Variants in CYP26B1 observed in about 807,000 individuals in gnomAD.
CYP26B1 encodes cytochrome P450 26B1.
CYP26B1 carries 8 observed loss-of-function variants against 39.1 expected under a neutral mutation model. The ratio of observed to expected loss-of-function variants is 0.20; its 90% CI spans 0.12 to 0.37. CYP26B1 has a LOEUF of 0.37. CYP26B1 is among the 10% of genes least tolerant of loss of function. The probability of loss-of-function intolerance (pLI) is 1.00; values close to 1 mark genes in which losing one functional copy is unlikely to be tolerated. For missense variants in CYP26B1, 615 were observed against 707.0 expected (o/e 0.87, Z 1.48); for synonymous variants, 321 against 314.3 (o/e 1.02, Z -0.23).
intron 5 of CYP26B1, 149 bp from the exon 6 acceptor site, chr2:72,132,768 G>A: frequency 1.4e-6 from 2 of 1,448,280 alleles, no homozygotes; most frequent in Non-Finnish European, 1.8e-6. Flanking sequence ...GGCCTGGCCA[G>A]CCTGCCCCAT....
intron 2 of CYP26B1, among the ~76,000 whole-genome samples, chr2:72,136,067 C>A (rs1676764238): frequency 8.0e-6 from 1 of 124,606 alleles, no homozygotes; most frequent in African/African-American, 2.6e-5. Context: ...GTCCTCCCGG[C>A]TGGCTGCGCA....
Position 72,131,985 on chromosome 2 carries a change from C to T in CYP26B1, c.*242G>A. 1 of 583,296 alleles carries T rather than the reference C, an allele frequency of 1.7e-6. No individual in the cohort carries two copies. Among genetic ancestry groups the T allele is most frequent in the South Asian group, 2.0e-5 (1 of 49,324 alleles). 36.1% of individuals were successfully genotyped at this position (583,296 alleles called of 1,614,324 possible). ...TGCAGAGCCCCTGCCACGCCCTTCC[C>T]AGGGGCTGAGCTGATGGTAAATGGG... On this transcript the variant is annotated 3_prime_UTR_variant, in exon 6 of 6. Transcript: ENST00000001146.
In CYP26B1 at chr2:72,130,597, AGGG is replaced by A. The variant is rs1676537772; in HGVS notation, c.*1627_*1629del. 1.3e-5 allele frequency: 2 copies of A among 152,114 alleles called. No individual in the cohort carries two copies. The highest frequency in any genetic ancestry group is 1.5e-5 in the Non-Finnish European group (1 of 68,014). 9.4% of individuals were successfully genotyped at this position (152,114 alleles called of 1,614,324 possible). A position where few individuals can be genotyped will look rare whatever the true frequency, so the allele number is the denominator to read the frequency against. On this transcript the variant is annotated 3_prime_UTR_variant, in exon 6 of 6. Transcript: ENST00000001146. ...TTCTGTGTTTTCGATTTTCTTGTAA[AGGG>A]GATTCATTGCTTTTACAACATCAAA...
Position 72,133,000 on chromosome 2 carries a change from C to T in CYP26B1, c.1146+23G>A, listed in dbSNP as rs767608791. On this transcript the variant is annotated intron_variant, in intron 5 of 5. Coordinates refer to ENST00000001146, the MANE Select transcript of CYP26B1 (RefSeq NM_019885.4). Reference sequence around the variant, plus strand: ...GGTGCCCCTGCTCCCCCATCGCCCCCGGTGCCACGGGCCCAGCCTCACATC... The same window carrying T: ...GGTGCCCCTGCTCCCCCATCGCCCCTGGTGCCACGGGCCCAGCCTCACATC... 10 of 1,612,888 alleles carry T rather than the reference C, an allele frequency of 6.2e-6. No homozygotes were observed. The Admixed American group carries it at 8.3e-5, about 13-fold the overall frequency.
chr2:72,143,544 C>T (rs1473171725), intron 2 of CYP26B1, among the ~76,000 whole-genome samples: 1 of 152,208 alleles, frequency 6.6e-6, no homozygotes, highest in East Asian at 1.9e-4. Flanking sequence ...CGCGCAGCCG[C>T]CTGCCCGCGA....
chr2:72,144,343 G>T (rs771836455), intron 1 of CYP26B1, 130 bp from the exon 2 acceptor site: 1 of 1,458,352 alleles, frequency 6.9e-7, no homozygotes, highest in Non-Finnish European at 9.0e-7. Context: ...TCACACAGAC[G>T]AGCACGCAGG....
At chr2:72,139,415 C>T (rs969061976) in intron 2 of CYP26B1, among the ~76,000 whole-genome samples, 1 of 152,234 alleles carries the variant, frequency 6.6e-6, no homozygotes, top group African/African-American at 2.4e-5. Context: ...CAGGCAGCTT[C>T]ACCCAGAACT....
chr2:72,147,590 C>G lies in CYP26B1; in HGVS notation c.204+41G>C. 2 of 1,572,094 alleles carry G rather than the reference C, an allele frequency of 1.3e-6. No homozygotes were observed. The highest frequency in any genetic ancestry group is 2.3e-5 in the South Asian group (2 of 85,610). On this transcript the variant is annotated intron_variant, in intron 1 of 5. Coordinates refer to ENST00000001146, the MANE Select transcript of CYP26B1 (RefSeq NM_019885.4). This position sits in a 1 kb window ranked among gnomAD's most constrained non-coding sequence, Gnocchi z 6.1. The stretch of plus-strand genomic sequence containing the variant: ...CGCTCCGTCTGCCCCGCGCTCGCAG[C>G]TAGCGGACCCCGGAGTGCAGCGGAG...
Position 72,132,402 on chromosome 2 carries a change from G to A in CYP26B1, c.1364C>T (p.Ala455Val), listed in dbSNP as rs142523471. ...GCGGCTGGTGCTAGCCAGCTCCACCGCCAGCACCTTCAGGAACAGCTTGGC... is the reference window on the plus strand; with the variant it reads ...GCGGCTGGTGCTAGCCAGCTCCACCACCAGCACCTTCAGGAACAGCTTGGC... Reference protein sequence around the residue: ...HLAKLFLKVLAVELASTSRFE... With the variant: ...HLAKLFLKVLVVELASTSRFE... The change falls in exon 6 of 6, where the codon GCG becomes GTG. Residue 455 changes from alanine to valine, a missense_variant. Transcript: ENST00000001146. 58 of 1,611,742 alleles carry A rather than the reference G, an allele frequency of 3.6e-5. No homozygotes were observed. The highest frequency in any genetic ancestry group is 6.7e-5 in the African/African-American group (5 of 74,910).
In CYP26B1 at chr2:72,131,335, C is replaced by T. The variant is rs918492038; in HGVS notation, c.*892G>A. The T allele has an allele frequency of 6.6e-6, 1 of 152,230 alleles. No individual in the cohort carries two copies. Among genetic ancestry groups the T allele is most frequent in the African/African-American group, 2.4e-5 (1 of 41,442 alleles). 9.4% of individuals were successfully genotyped at this position (152,230 alleles called of 1,614,324 possible). ...CTAGGCCCTGGGGGCTGGGTTTGAC[C>T]AGAGACCCCTTCCTCTTCACTCACA... On this transcript the variant is annotated 3_prime_UTR_variant, in exon 6 of 6. Transcript: ENST00000001146.
At chr2:72,144,346 C>T (rs777499103) in intron 1 of CYP26B1, 133 bp from the exon 2 acceptor site, 3 of 1,456,622 alleles carry the variant, frequency 2.1e-6, no homozygotes, top group Non-Finnish European at 2.7e-6. Context: ...CACAGACGAG[C>T]ACGCAGGTTT....
rs1177090540 is a variant in CYP26B1 at position 72,134,016 on chromosome 2, G to A, written c.862-709C>T. Among the ~76,000 whole-genome samples, 5 of 152,208 alleles carry A rather than the reference G, an allele frequency of 3.3e-5. No individual in the cohort carries two copies. The East Asian group carries it at 9.6e-4, about 29-fold the overall frequency. On this transcript the variant is annotated intron_variant, in intron 4 of 5. Coordinates refer to ENST00000001146, the MANE Select transcript of CYP26B1 (RefSeq NM_019885.4). ...TCTGGGCCCAGAGAGGGCAATGAAG[G>A]GACCTGGGTCCATTACTGGCCATGG... is the stretch of plus-strand genomic sequence containing the variant.
intron 1 of CYP26B1, among the ~76,000 whole-genome samples, chr2:72,145,451 C>CT (rs1677096419): frequency 6.6e-6 from 1 of 152,172 alleles, no homozygotes; most frequent in Non-Finnish European, 1.5e-5. Context: ...CCCTCCCAGG[C>CT]TGGAAGGCGG....
Position 72,132,357 on chromosome 2 carries a change from G to A in CYP26B1, c.1409C>T (p.Thr470Ile). The A allele has an allele frequency of 1.2e-6, 2 of 1,611,406 alleles. No homozygotes were observed. The highest frequency in any genetic ancestry group is 1.7e-6 in the Non-Finnish European group (2 of 1,178,286). The change falls in exon 6 of 6, where the codon ACC (threonine) becomes ATC (isoleucine). Residue 470 changes from threonine to isoleucine, a missense_variant. Physicochemically the swap from Thr to Ile is moderately conservative, Grantham distance 89. Transcript: ENST00000001146. ...GGGGACCAAGGTGATGCGGGGGAAGGTCCGTGTGGCCAGCTCAAAGCGGCT... is the reference window on the plus strand; with the variant it reads ...GGGGACCAAGGTGATGCGGGGGAAGATCCGTGTGGCCAGCTCAAAGCGGCT... The part of the protein sequence containing the change: ...STSRFELATR[T>I]FPRITLVPVL...
In CYP26B1 at chr2:72,147,577, C is replaced by T; in HGVS notation, c.204+54G>A. On this transcript the variant is annotated intron_variant, in intron 1 of 5. Coordinates refer to ENST00000001146, the MANE Select transcript of CYP26B1 (RefSeq NM_019885.4). This position sits in a 1 kb window ranked among gnomAD's most constrained non-coding sequence, Gnocchi z 6.1. ...CTGGCCGGCCCGCCGCTCCGTCTGC[C>T]CCGCGCTCGCAGCTAGCGGACCCCG... 6.5e-7 allele frequency: 1 copy of T among 1,537,138 alleles called. No homozygotes were observed. Among genetic ancestry groups the T allele is most frequent in the Non-Finnish European group, 8.7e-7 (1 of 1,143,522 alleles).
intron 4 of CYP26B1, among the ~76,000 whole-genome samples, chr2:72,134,144 T>C (rs914890529): frequency 3.9e-5 from 6 of 152,200 alleles, no homozygotes; most frequent in Admixed American, 2.6e-4. Context: ...GAGGCAAAGA[T>C]AGTGGGCAGG....
At chr2:72,142,390 A>G (rs1026715887) in intron 2 of CYP26B1, among the ~76,000 whole-genome samples, 1 of 152,214 alleles carries the variant, frequency 6.6e-6, no homozygotes, top group African/African-American at 2.4e-5. Flanking sequence ...GCAGGACAGA[A>G]GAGGACTCTC....
At position 72,133,233 on chromosome 2, in the gene CYP26B1, C is replaced by T. The variant is rs761662991; in HGVS notation, c.936G>A (p.Leu312=). Residue 312 remains leucine, a synonymous_variant, in exon 5 of 6, where the codon CTG becomes CTA. Coordinates refer to ENST00000001146, the MANE Select transcript of CYP26B1 (RefSeq NM_019885.4). The part of the protein sequence containing the change: ...ASASTSLIMQ[L]LKHPTVLEKL... ...TCTCCAGCACAGTGGGGTGCTTCAG[C>T]AGCTGCATGATGAGTGAGGTGCTGG... 23 of 1,612,142 alleles carry T rather than the reference C, an allele frequency of 1.4e-5. No individual in the cohort carries two copies. The highest frequency in any genetic ancestry group is 1.8e-5 in the Non-Finnish European group (21 of 1,179,698).
chr2:72,132,624 A>G lies in CYP26B1; in HGVS notation c.1147-5T>C. 1 of 1,598,360 alleles carries G rather than the reference A, an allele frequency of 6.3e-7. No homozygotes were observed. Among genetic ancestry groups the G allele is most frequent in the Non-Finnish European group, 8.5e-7 (1 of 1,172,826 alleles). On this transcript the variant is annotated splice_region_variant and splice_polypyrimidine_tract_variant and intron_variant, in intron 5 of 5. Coordinates refer to ENST00000001146, the MANE Select transcript of CYP26B1 (RefSeq NM_019885.4). Reference sequence around the variant, plus strand: ...GCCTTTGGGGATCTGGAAACCCTGGAGCAAGATGGGGGCCGAGGAGTGGGT... The same window carrying G: ...GCCTTTGGGGATCTGGAAACCCTGGGGCAAGATGGGGGCCGAGGAGTGGGT...
Sources: gnomAD v4.1 joint callset for allele counts (sites outside exome capture counted in the v4.1 genomes callset) on GRCh38, gnomAD v4.1.1 for gene constraint, Gnocchi (gnomAD v3.1) non-coding constraint, MANE v1.5 for transcripts, NCBI Gene and HGNC (gene_info 2026-07-23, HGNC 2026-07-21) for gene names.